Variants in NPAS3 observed in about 807,000 individuals in gnomAD.
The protein encoded by NPAS3 is neuronal PAS domain-containing protein 3.
Under a neutral mutation model 73.1 loss-of-function variants are expected in NPAS3, and 14 were observed. The ratio of observed to expected loss-of-function variants is 0.19; its 90% CI spans 0.13 to 0.30. The LOEUF (loss-of-function observed/expected upper bound fraction) is 0.30. Among genes scored for constraint, NPAS3 ranks in the 10% least tolerant of loss-of-function variants. The pLI is 1.00. For missense variants in NPAS3, 1,096 were observed against 1,250.0 expected (o/e 0.88, Z 1.86); for synonymous variants, 620 against 541.5 (o/e 1.14, Z -2.01).
chr14:33,054,074 A>G (rs879830075), intron 1 of NPAS3, among the ~76,000 whole-genome samples: 6 of 152,216 alleles, frequency 3.9e-5, no homozygotes, highest in Non-Finnish European at 5.9e-5. Flanking sequence ...GGGCTATCAC[A>G]TGCTCAAAAC....
At chr14:33,435,291 G>GC (rs545418031) in intron 4 of NPAS3, among the ~76,000 whole-genome samples, 2 of 152,234 alleles carry the variant, frequency 1.3e-5, no homozygotes, top group African/African-American at 4.8e-5. Context: ...GGTTTGATGA[G>GC]CTTAGCTAGC....
intron 4 of NPAS3, among the ~76,000 whole-genome samples, chr14:33,389,637 AT>A (rs1388936133): frequency 2.0e-5 from 3 of 152,194 alleles, no homozygotes; most frequent in Admixed American, 2.0e-4. Flanking sequence ...TATTGAATAA[AT>A]TTTTAGTACA....
At chr14:33,591,584 G>A (rs1471688526) in intron 5 of NPAS3, among the ~76,000 whole-genome samples, 2 of 152,158 alleles carry the variant, frequency 1.3e-5, no homozygotes, top group Non-Finnish European at 2.9e-5. Flanking sequence ...TAGTGTTCTA[G>A]GCCTTTCAGT....
intron 1 of NPAS3, among the ~76,000 whole-genome samples, chr14:32,988,141 T>G (rs2038170342): frequency 6.6e-6 from 1 of 152,186 alleles, no homozygotes; most frequent in Non-Finnish European, 1.5e-5. Flanking sequence ...GATTTGGTGA[T>G]TTGTTGCCTA....
chr14:32,989,373 G>A lies in NPAS3; in HGVS notation c.50+50007G>A, dbSNP rs546516313. On this transcript the variant is annotated intron_variant, in intron 1 of 11. Transcript: ENST00000356141. ...TTATTAAAAGTTTGTGGCCGGGCAC[G>A]GTGGCTCACGCCTGTAATCCCAGCA... 2.3e-3 allele frequency among the ~76,000 whole-genome samples: 350 copies of A among 152,266 alleles called. 3 individuals are homozygous for A. Among genetic ancestry groups the A allele is most frequent in the South Asian group, 0.014 (69 of 4,828 alleles).
At chr14:33,186,749 G>A (rs1260792109) in intron 2 of NPAS3, among the ~76,000 whole-genome samples, 1 of 152,028 alleles carries the variant, frequency 6.6e-6, no homozygotes, top group Admixed American at 6.6e-5. Context: ...GAATTTTTTT[G>A]TTTAGTGTGT....
chr14:33,460,245 T>C (rs181422914), intron 4 of NPAS3, among the ~76,000 whole-genome samples: 3 of 152,232 alleles, frequency 2.0e-5, no homozygotes, highest in Non-Finnish European at 4.4e-5. Context: ...CTTACTATTA[T>C]GTTGGAGTAC....
intron 2 of NPAS3, among the ~76,000 whole-genome samples, chr14:33,166,463 T>C (rs1228620004): frequency 1.3e-5 from 2 of 152,172 alleles, no homozygotes; most frequent in Non-Finnish European, 2.9e-5. Context: ...TGCATGCACA[T>C]CTGTCTCCCT....
At chr14:33,723,482 A>G (rs1178165730) in intron 6 of NPAS3, among the ~76,000 whole-genome samples, 1 of 152,112 alleles carries the variant, frequency 6.6e-6, no homozygotes, top group Non-Finnish European at 1.5e-5. Context: ...AATTGGGAGT[A>G]AACTCTCCTT....
In NPAS3 at chr14:33,655,860, A is replaced by G. The variant is rs187917274; in HGVS notation, c.559-20351A>G. Among the ~76,000 whole-genome samples, 9 of 152,286 alleles carry G rather than the reference A, an allele frequency of 5.9e-5. No individual in the cohort carries two copies. In the East Asian group the frequency reaches 1.7e-3, roughly 29 times the overall value. ...TCTCAAAAAACCACAAAGTTGGGTA[A>G]AAGTCATACCGTTTGCATCAAGTTT... On this transcript the variant is annotated intron_variant, in intron 5 of 11. Coordinates refer to ENST00000356141, the Ensembl canonical transcript of NPAS3.
At chr14:33,061,583 T>C (rs554725166) in intron 2 of NPAS3, among the ~76,000 whole-genome samples, 169 of 152,338 alleles carry the variant, frequency 1.1e-3, no homozygotes, top group African/African-American at 3.9e-3. Flanking sequence ...AAGTAGCATA[T>C]GTTGGTAATG....
At chr14:33,194,204 C>T (rs937979402) in intron 2 of NPAS3, among the ~76,000 whole-genome samples, 1 of 152,192 alleles carries the variant, frequency 6.6e-6, no homozygotes, top group Non-Finnish European at 1.5e-5. Flanking sequence ...GTTAACCAGA[C>T]ATATGATTGT....
intron 3 of NPAS3, among the ~76,000 whole-genome samples, chr14:33,365,526 A>C (rs1197712230): frequency 1.3e-5 from 2 of 152,160 alleles, no homozygotes; most frequent in Non-Finnish European, 2.9e-5. Flanking sequence ...TAAGATTTTT[A>C]GTTGTGTGTT....
At chr14:33,246,151 A>G (rs2048366407) in intron 3 of NPAS3, among the ~76,000 whole-genome samples, 2 of 152,066 alleles carry the variant, frequency 1.3e-5, no homozygotes, top group South Asian at 2.1e-4. Context: ...TCTCTGTGTC[A>G]CTGAGACTGT....
chr14:33,058,112 T>C (rs2040954362), intron 2 of NPAS3, among the ~76,000 whole-genome samples: 2 of 146,600 alleles, frequency 1.4e-5, no homozygotes, highest in Non-Finnish European at 3.0e-5. Context: ...CCCTAGAAGA[T>C]TGAAATGTAT....
chr14:33,310,347 T>C (rs946860438), intron 3 of NPAS3, among the ~76,000 whole-genome samples: 3 of 151,500 alleles, frequency 2.0e-5, no homozygotes, highest in African/African-American at 7.3e-5. Context: ...TTATCCTTGG[T>C]GCCAATTTTC....
intron 1 of NPAS3, among the ~76,000 whole-genome samples, chr14:33,008,911 C>T (rs1482501043): frequency 6.6e-6 from 1 of 152,122 alleles, no homozygotes; most frequent in East Asian, 1.9e-4. Flanking sequence ...GCTTGTGTCA[C>T]ATTTTGATAG....
At chr14:33,165,241 T>C (rs1223335065) in intron 2 of NPAS3, among the ~76,000 whole-genome samples, 2 of 151,998 alleles carry the variant, frequency 1.3e-5, no homozygotes, top group Non-Finnish European at 2.9e-5. Flanking sequence ...AACCTTTCGA[T>C]GTAAGTAGGA....
chr14:33,306,673 G>A lies in NPAS3; in HGVS notation c.386-60513G>A, dbSNP rs2042766637. 2.6e-5 allele frequency among the ~76,000 whole-genome samples: 4 copies of A among 152,176 alleles called. No homozygotes were observed. In the South Asian group the frequency reaches 8.3e-4, roughly 32 times the overall value. On this transcript the variant is annotated intron_variant, in intron 3 of 11. Coordinates refer to ENST00000356141, the Ensembl canonical transcript of NPAS3. ...GTATTGCACAGGTAGTTTTACTAAA[G>A]TAGGTTATTTTCTTTGAAATTTATA...
Sources: allele counts gnomAD v4.1 joint callset (sites outside exome capture counted in the v4.1 genomes callset), GRCh38; gene constraint gnomAD v4.1.1; transcripts MANE v1.5; gene names NCBI Gene and HGNC (gene_info 2026-07-23, HGNC 2026-07-21).